Variants in LRRC2 observed in about 807,000 individuals in gnomAD.
LRRC2 encodes the protein leucine-rich repeat-containing protein 2.
LRRC2 carries 27 observed loss-of-function variants against 40.2 expected under a neutral mutation model. The ratio of observed to expected loss-of-function variants is 0.67; its 90% CI spans 0.49 to 0.93. The LOEUF is 0.93. LRRC2 is among the 40% of genes least tolerant of loss of function. The pLI is 0.00. For missense variants in LRRC2, 402 were observed against 439.6 expected (o/e 0.91, Z 0.76); for synonymous variants, 147 against 158.9 (o/e 0.92, Z 0.56).
chr3:46,550,820 G>C (rs1487799207), intron 2 of LRRC2, among the ~76,000 whole-genome samples: 1 of 152,158 alleles, frequency 6.6e-6, no homozygotes, highest in Non-Finnish European at 1.5e-5. Context: ...TATATAAACA[G>C]CACCCCTAAT....
At chr3:46,561,478 G>A (rs1704940737) in intron 1 of LRRC2, among the ~76,000 whole-genome samples, 1 of 152,164 alleles carries the variant, frequency 6.6e-6, no homozygotes, top group African/African-American at 2.4e-5. Flanking sequence ...ACTTGGGCCT[G>A]GGAGGCAGAT....
intron 2 of LRRC2, among the ~76,000 whole-genome samples, chr3:46,545,645 A>G (rs961532483): frequency 2.6e-5 from 4 of 152,198 alleles, no homozygotes; most frequent in African/African-American, 9.7e-5. Flanking sequence ...TTGGAATGTC[A>G]CCATCAGCCA....
At chr3:46,534,140 A>G (rs1468328847) in intron 4 of LRRC2, among the ~76,000 whole-genome samples, 2 of 151,664 alleles carry the variant, frequency 1.3e-5, no homozygotes, top group Non-Finnish European at 2.9e-5. Flanking sequence ...ATGTGTTCTC[A>G]TTGTTCAACT....
intron 4 of LRRC2, among the ~76,000 whole-genome samples, chr3:46,538,503 A>G (rs1343755008): frequency 1.3e-5 from 2 of 152,032 alleles, no homozygotes; most frequent in Non-Finnish European, 2.9e-5. Flanking sequence ...AGCTGGTGGC[A>G]CGTGACTGTA....
At chr3:46,536,682 C>A (rs1704274751) in intron 4 of LRRC2, among the ~76,000 whole-genome samples, 1 of 152,172 alleles carries the variant, frequency 6.6e-6, no homozygotes, top group South Asian at 2.1e-4. Flanking sequence ...TGGAATTGGT[C>A]TGCAGTGGAT....
chr3:46,554,632 A>G (rs904004553), intron 1 of LRRC2, among the ~76,000 whole-genome samples: 37 of 133,680 alleles, frequency 2.8e-4, no homozygotes, highest in Non-Finnish European at 4.7e-4. Flanking sequence ...ACAGAGCAAG[A>G]CTCTGTCTTA....
chr3:46,562,577 C>T (rs1359311045), intron 1 of LRRC2, among the ~76,000 whole-genome samples: 2 of 152,090 alleles, frequency 1.3e-5, no homozygotes, highest in Non-Finnish European at 2.9e-5. Context: ...GTTCAGCTGC[C>T]TCCTTGAATA....
chr3:46,537,232 A>G (rs1487427194), intron 4 of LRRC2, among the ~76,000 whole-genome samples: 1 of 152,022 alleles, frequency 6.6e-6, no homozygotes, highest in Non-Finnish European at 1.5e-5. Context: ...GGCTCAAGCG[A>G]TCCTCCCACA....
At chr3:46,521,737 C>G in intron 7 of LRRC2, 79 bp from the exon 8 acceptor site, 1 of 1,412,748 alleles carries the variant, frequency 7.1e-7, no homozygotes, top group Non-Finnish European at 9.6e-7. Context: ...AAAATAACCT[C>G]TGTTATCCCA....
In LRRC2 at chr3:46,552,390, A is replaced by AG. The variant is rs1354789344; in HGVS notation, c.-19-781_-19-780insC. Among the ~76,000 whole-genome samples the AG allele has an allele frequency of 2.6e-5, 4 of 152,024 alleles. No individual in the cohort carries two copies. The East Asian group carries it at 7.7e-4, about 29-fold the overall frequency. On this transcript the variant is annotated intron_variant, in intron 1 of 8. Coordinates refer to ENST00000395905, the MANE Select transcript of LRRC2 (RefSeq NM_024512.5). Reference sequence around the variant, plus strand: ...TAGTTGTATTTAAATCTAAAAAAAAAAAAAAGCTCACATAGGCGGTGTTAT... The same window carrying AG: ...TAGTTGTATTTAAATCTAAAAAAAAAGAAAAAGCTCACATAGGCGGTGTTAT...
At chr3:46,547,617 C>T (rs1411323700) in intron 2 of LRRC2, among the ~76,000 whole-genome samples, 1 of 151,924 alleles carries the variant, frequency 6.6e-6, no homozygotes, top group Admixed American at 6.6e-5. Context: ...GATCACACCA[C>T]TGCACTCCAG....
intron 5 of LRRC2, 135 bp downstream of exon 5, chr3:46,532,638 G>C (rs1575348392): frequency 6.1e-6 from 6 of 988,612 alleles, no homozygotes; most frequent in Non-Finnish European, 7.5e-6. Context: ...CCAGTATACG[G>C]TGATTGAAAT....
Position 46,529,670 on chromosome 3 carries a change from G to A in LRRC2, c.773+235C>T, listed in dbSNP as rs1204648599. Among the ~76,000 whole-genome samples the A allele has an allele frequency of 5.3e-5, 8 of 152,320 alleles. 1 individual carries two copies. The South Asian group carries it at 1.4e-3, about 28-fold the overall frequency. On this transcript the variant is annotated intron_variant, in intron 6 of 8. Coordinates refer to ENST00000395905, the MANE Select transcript of LRRC2 (RefSeq NM_024512.5). Reference sequence around the variant, plus strand: ...TCTACGGAGACTAAAGCAAATTAAAGTTCATCAGGACAATGAAGAGGTGTT... The same window carrying A: ...TCTACGGAGACTAAAGCAAATTAAAATTCATCAGGACAATGAAGAGGTGTT...
intron 4 of LRRC2, among the ~76,000 whole-genome samples, chr3:46,537,074 C>T (rs920422272): frequency 6.6e-6 from 1 of 152,144 alleles, no homozygotes; most frequent in South Asian, 2.1e-4. Context: ...CTAGGTCAAC[C>T]ACTGTGGCTT....
intron 5 of LRRC2, among the ~76,000 whole-genome samples, chr3:46,531,791 C>T (rs541006917): frequency 3.3e-5 from 5 of 152,094 alleles, no homozygotes; most frequent in Non-Finnish European, 7.4e-5. Flanking sequence ...CTGCAGCATT[C>T]AGGAAAGGAA....
rs34638008 is a variant in LRRC2 at position 46,546,185 on chromosome 3, C to T, written c.126-932G>A. Among the ~76,000 whole-genome samples the T allele has an allele frequency of 4.9e-4, 74 of 152,328 alleles. 1 individual carries two copies. The East Asian group carries it at 0.013, about 27-fold the overall frequency. On this transcript the variant is annotated intron_variant, in intron 2 of 8. Coordinates refer to ENST00000395905, the MANE Select transcript of LRRC2 (RefSeq NM_024512.5). ...GCTGCAGGTGCAGACTTGGTCTTCA[C>T]GTGGCCCAAGGCAGTATATACACTA...
chr3:46,539,178 C>T lies in LRRC2; in HGVS notation c.357G>A (p.Glu119=), dbSNP rs375029602. Residue 119 remains glutamate (E), a synonymous_variant, in exon 4 of 9, where the codon GAG becomes GAA. Coordinates refer to ENST00000395905, the MANE Select transcript of LRRC2 (RefSeq NM_024512.5). ...HWTELPDSLK[E]QTHLREWYIS... ...TGTACCATTCTCTCAGGTGTGTCTG[C>T]TCCTTCAATGAATCTGGGAGCTCCT... is the stretch of plus-strand genomic sequence containing the variant. The T allele has an allele frequency of 2.5e-6, 4 of 1,613,620 alleles. No homozygotes were observed. In the African/African-American group the frequency reaches 4.0e-5, roughly 16 times the overall value.
chr3:46,518,739 A>G lies in LRRC2; in HGVS notation c.*275T>C, dbSNP rs1370865597. ...TTTAGTTATAATTCTTAAAAATAAG[A>G]CATTTTAAAACATATTAAATGTGCA... On this transcript the variant is annotated 3_prime_UTR_variant, in exon 9 of 9. Coordinates refer to ENST00000395905, the MANE Select transcript of LRRC2 (RefSeq NM_024512.5). 2 of 327,922 alleles carry G rather than the reference A, an allele frequency of 6.1e-6. No individual in the cohort carries two copies. The highest frequency in any genetic ancestry group is 2.1e-5 in the African/African-American group (1 of 46,860). The allele number at this position is 327,922 out of a possible 1,614,324, so 20.3% of individuals were successfully genotyped here.
At chr3:46,527,274 TA>T in intron 7 of LRRC2, 151 bp downstream of exon 7, 1 of 790,954 alleles carries the variant, frequency 1.3e-6, no homozygotes, top group Non-Finnish European at 2.0e-6. Flanking sequence ...CAAAATCCTG[TA>T]AAAAGTCACC....
Sources: allele counts gnomAD v4.1 joint callset (sites outside exome capture counted in the v4.1 genomes callset), GRCh38; gene constraint gnomAD v4.1.1; transcripts MANE v1.5; gene names NCBI Gene and HGNC (gene_info 2026-07-23, HGNC 2026-07-21).